KHDRBS2: variants seen among roughly 807,000 people sequenced by gnomAD.
KHDRBS2 encodes KH domain-containing, RNA-binding, signal transduction-associated protein 2.
In KHDRBS2, 26 loss-of-function variants were observed where a neutral mutation model predicts 44.3. The observed-to-expected ratio is 0.59, with a 90% CI of 0.43 to 0.81. The LOEUF is 0.81. KHDRBS2 is among the 40% of genes least tolerant of loss of function. The pLI, the probability that KHDRBS2 is intolerant of heterozygous loss-of-function variation, is 0.00. For missense variants in KHDRBS2, 476 were observed against 433.1 expected (o/e 1.10, Z -0.88); for synonymous variants, 194 against 151.1 (o/e 1.28, Z -2.08).
At chr6:61,646,154 T>C in the KHDRBS2 span, among the ~76,000 whole-genome samples, 1 of 152,190 alleles carries the variant, frequency 6.6e-6, no homozygotes, top group Non-Finnish European at 1.5e-5. Flanking sequence ...TATGGTGTGA[T>C]CTTGGACAAT....
chr6:61,678,651 T>C (rs1008240608), downstream of KHDRBS2, among the ~76,000 whole-genome samples: 2 of 152,048 alleles, frequency 1.3e-5, no homozygotes, highest in South Asian at 2.1e-4. Flanking sequence ...TAATTCACAA[T>C]TCACTTGACA....
At chr6:62,185,002 C>G (rs1823135319) in intron 1 of KHDRBS2, among the ~76,000 whole-genome samples, 1 of 151,882 alleles carries the variant, frequency 6.6e-6, no homozygotes, top group South Asian at 2.1e-4. Flanking sequence ...GCTAAAATAT[C>G]TTTGTCACCT....
intron 5 of KHDRBS2, among the ~76,000 whole-genome samples, chr6:61,899,725 G>C (rs1171876873): frequency 9.8e-6 from 1 of 101,900 alleles, no homozygotes; most frequent in Admixed American, 1.1e-4. Context: ...TAAATTCATT[G>C]TTTTAATGCC....
intron 2 of KHDRBS2, among the ~76,000 whole-genome samples, chr6:62,108,522 C>A (rs1156764648): frequency 6.6e-6 from 1 of 151,954 alleles, no homozygotes; most frequent in Non-Finnish European, 1.5e-5. Flanking sequence ...GTTCAACCAT[C>A]GTGGAAGTCA....
At chr6:61,986,771 A>G (rs1775127195) in intron 3 of KHDRBS2, among the ~76,000 whole-genome samples, 1 of 152,156 alleles carries the variant, frequency 6.6e-6, no homozygotes, top group Non-Finnish European at 1.5e-5. Flanking sequence ...CCTCCCACAC[A>G]TGGCAGAAGA....
At chr6:61,600,590 T>A in the KHDRBS2 span, among the ~76,000 whole-genome samples, 2 of 152,270 alleles carry the variant, frequency 1.3e-5, no homozygotes, top group African/African-American at 2.4e-5. Flanking sequence ...GCTTTACTGC[T>A]CACACAAAGC....
At chr6:61,901,960 T>G (rs1463781517) in intron 4 of KHDRBS2, among the ~76,000 whole-genome samples, 1 of 152,118 alleles carries the variant, frequency 6.6e-6, no homozygotes, top group East Asian at 1.9e-4. Flanking sequence ...CATTATTTAT[T>G]TATTTATTTA....
rs202205100 is a variant in KHDRBS2, at chr6:61,951,900, AC to A, written c.483+26165del. On this transcript the variant is annotated intron_variant, in intron 4 of 8. Transcript: ENST00000281156. The stretch of plus-strand genomic sequence containing the variant: ...GACACATTAGAGAGGTTCTGTAGTT[AC>A]AATTTTTTCAGTTTAAATTCAGTTA... 4.5e-5 allele frequency among the ~76,000 whole-genome samples: 6 copies of A among 133,688 alleles called. No individual in the cohort carries two copies. The East Asian group carries it at 9.4e-4, about 21-fold the overall frequency. The allele number at this position is 133,688 out of a possible 152,430, so 87.7% of individuals were successfully genotyped here.
intron 2 of KHDRBS2, among the ~76,000 whole-genome samples, chr6:62,140,594 A>C (rs902468363): frequency 6.6e-5 from 10 of 152,206 alleles, no homozygotes; most frequent in African/African-American, 2.2e-4. Flanking sequence ...ATAATTGTCT[A>C]TGCTTGTATG....
intron 1 of KHDRBS2, among the ~76,000 whole-genome samples, chr6:62,204,179 T>C (rs1827548480): frequency 6.6e-6 from 1 of 152,196 alleles, no homozygotes; most frequent in African/African-American, 2.4e-5. Context: ...GCCTCAGGCA[T>C]TCCTTTGTAG....
the KHDRBS2 span, among the ~76,000 whole-genome samples, chr6:61,642,589 G>A: frequency 6.6e-6 from 1 of 151,162 alleles, no homozygotes; most frequent in Admixed American, 6.6e-5. Context: ...TTGAGCCTGG[G>A]AGCAGAGGTT....
At chr6:61,571,760 A>G in the KHDRBS2 span, among the ~76,000 whole-genome samples, 2 of 152,068 alleles carry the variant, frequency 1.3e-5, no homozygotes, top group African/African-American at 2.4e-5. Context: ...CCCAAAAGGA[A>G]CTCTCAAAAT....
chr6:61,902,154 A>G (rs1432171218), intron 4 of KHDRBS2, among the ~76,000 whole-genome samples: 2 of 152,066 alleles, frequency 1.3e-5, no homozygotes, highest in East Asian at 3.9e-4. Flanking sequence ...GGGTTTCGCC[A>G]TGTTGGCTGG....
At chr6:61,646,384 T>C in the KHDRBS2 span, among the ~76,000 whole-genome samples, 2 of 152,184 alleles carry the variant, frequency 1.3e-5, no homozygotes, top group Non-Finnish European at 2.9e-5. Context: ...AGGCAGATGC[T>C]TTCAGGGCCA....
At chr6:61,996,272 A>G (rs1397078622) in intron 3 of KHDRBS2, among the ~76,000 whole-genome samples, 2 of 152,208 alleles carry the variant, frequency 1.3e-5, no homozygotes, top group South Asian at 4.1e-4. Context: ...TTTACATGAA[A>G]ATGAAAATGA....
chr6:61,662,308 T>G, the KHDRBS2 span, among the ~76,000 whole-genome samples: 1 of 151,940 alleles, frequency 6.6e-6, no homozygotes, highest in African/African-American at 2.4e-5. Flanking sequence ...GAAGAAAACC[T>G]AGGCATTACC....
chr6:61,708,126 T>C (rs1769889704), intron 7 of KHDRBS2, among the ~76,000 whole-genome samples: 1 of 151,732 alleles, frequency 6.6e-6, no homozygotes, highest in Non-Finnish European at 1.5e-5. Flanking sequence ...AGTTAATCTC[T>C]CTGATATTAG....
rs556965679 is a variant in KHDRBS2 at position 61,918,677 on chromosome 6, G to A, written c.484-17306C>T. On this transcript the variant is annotated intron_variant, in intron 4 of 8. Transcript: ENST00000281156. ...GTTCCGTTAGGACAGTCTGAGCTAA[G>A]ACAGGCTGTATGGGTGCTATTCTGA... Among the ~76,000 whole-genome samples, 10 of 152,110 alleles carry A rather than the reference G, an allele frequency of 6.6e-5. No individual in the cohort carries two copies. The East Asian group carries it at 1.9e-3, about 29-fold the overall frequency.
the KHDRBS2 span, chr6:61,661,420 C>T: frequency 6.6e-6 from 1 of 151,846 alleles, no homozygotes; most frequent in Non-Finnish European, 1.5e-5. Flanking sequence ...CACATACAGG[C>T]ATCTATAAGG....
Sources: gnomAD v4.1 joint callset for allele counts (sites outside exome capture counted in the v4.1 genomes callset) on GRCh38, gnomAD v4.1.1 for gene constraint, MANE v1.5 for transcripts, NCBI Gene and HGNC (gene_info 2026-07-23, HGNC 2026-07-21) for gene names.